The following ACTR3C variants were observed in gnomAD, a reference collection of about 807,000 sequenced individuals.
ACTR3C encodes actin related protein 3C.
Under a neutral mutation model 26.3 loss-of-function variants are expected in ACTR3C, and 18 were observed. That is an observed-to-expected ratio of 0.68 (90% CI 0.47 to 1.01). ACTR3C has a LOEUF of 1.01. Ranked by LOEUF, ACTR3C falls within the 50% of genes least tolerant of loss-of-function variation. The pLI is 0.00. For missense variants in ACTR3C, 184 were observed against 250.7 expected (o/e 0.73, Z 1.80); for synonymous variants, 55 against 94.5 (o/e 0.58, Z 2.42).
At chr7:150,035,229 G>T in the ACTR3C span, among the ~76,000 whole-genome samples, 1 of 115,214 alleles carries the variant, frequency 8.7e-6, no homozygotes, top group Non-Finnish European at 1.9e-5. Flanking sequence ...TCTGCCATGG[G>T]GGTCCTAAGA....
chr7:150,044,731 T>A, the ACTR3C span: 7 of 152,366 alleles, frequency 4.6e-5, no homozygotes, highest in Admixed American at 3.9e-4. Flanking sequence ...AGCCAAGAAC[T>A]ATATTTCTCA....
intron 5 of ACTR3C, among the ~76,000 whole-genome samples, chr7:150,285,196 C>T (rs1488043981): frequency 5.3e-5 from 8 of 152,090 alleles, no homozygotes; most frequent in African/African-American, 1.9e-4. Context: ...ATGACTTTGA[C>T]ATATCATTTG....
At chr7:150,288,416 TTC>T (rs1306131228) in intron 4 of ACTR3C, among the ~76,000 whole-genome samples, 1 of 133,358 alleles carries the variant, frequency 7.5e-6, no homozygotes, top group African/African-American at 3.2e-5. Flanking sequence ...TTTTTTTTTT[TTC>T]TTCTTTTTTG....
the ACTR3C span, among the ~76,000 whole-genome samples, chr7:150,050,311 A>T: frequency 0.013 from 1,932 of 152,334 alleles, 42 homozygotes; most frequent in African/African-American, 0.044. Context: ...ACTTATGCAG[A>T]ATAGTTTATG....
At chr7:150,200,032 C>G in the ACTR3C span, among the ~76,000 whole-genome samples, 1 of 152,114 alleles carries the variant, frequency 6.6e-6, no homozygotes, top group Non-Finnish European at 1.5e-5. Context: ...ACAAGACCGA[C>G]CTATGAAAAT....
the ACTR3C span, among the ~76,000 whole-genome samples, chr7:149,955,705 T>C: frequency 1.3e-5 from 2 of 152,172 alleles, no homozygotes; most frequent in South Asian, 2.1e-4. Flanking sequence ...CTTTCTAAAA[T>C]TGAATATCCT....
chr7:150,106,313 T>C, the ACTR3C span, among the ~76,000 whole-genome samples: 99 of 150,662 alleles, frequency 6.6e-4, 3 homozygotes, highest in South Asian at 0.02. Context: ...TAGTGCATTA[T>C]CACGTACTCC....
chr7:150,180,576 G>A, the ACTR3C span, among the ~76,000 whole-genome samples: 7 of 144,720 alleles, frequency 4.8e-5, no homozygotes, highest in Admixed American at 2.7e-4. Flanking sequence ...GCAGTGGCGC[G>A]GTCTCGGCTC....
chr7:150,275,676 A>C (rs1834811165), intron 6 of ACTR3C, among the ~76,000 whole-genome samples: 1 of 151,850 alleles, frequency 6.6e-6, no homozygotes, highest in Non-Finnish European at 1.5e-5. Flanking sequence ...ACACCACTGC[A>C]CTCCAGGCTG....
the ACTR3C span, among the ~76,000 whole-genome samples, chr7:150,048,633 G>C: frequency 6.6e-6 from 1 of 151,578 alleles, no homozygotes; most frequent in African/African-American, 2.4e-5. Context: ...AGGTGCAGCC[G>C]GCCCCGGGGC....
At chr7:150,159,547 C>T in the ACTR3C span, among the ~76,000 whole-genome samples, 1 of 152,084 alleles carries the variant, frequency 6.6e-6, no homozygotes, top group Admixed American at 6.5e-5. Flanking sequence ...GGAACCCATG[C>T]TCAGTCTCAG....
the ACTR3C span, among the ~76,000 whole-genome samples, chr7:150,092,918 C>A: frequency 4.8e-3 from 726 of 151,582 alleles, 39 homozygotes; most frequent in African/African-American, 0.016. Context: ...GATACCGATT[C>A]CTGCAGCAGG....
At chr7:150,163,376 ATGTGTGTATGTG>A in the ACTR3C span, among the ~76,000 whole-genome samples, 1 of 130,098 alleles carries the variant, frequency 7.7e-6, no homozygotes, top group African/African-American at 3.5e-5. Context: ...ATATATATAT[ATGTGTGTATGTG>A]TGTGTGTGTG....
chr7:150,127,139 GAC>G, the ACTR3C span, among the ~76,000 whole-genome samples: 34,427 of 128,358 alleles, frequency 0.27, 4,185 homozygotes, highest in Middle Eastern at 0.3. Flanking sequence ...CCTACCATTA[GAC>G]ACACACACAC....
intron 3 of ACTR3C, among the ~76,000 whole-genome samples, chr7:150,290,215 C>A (rs1328998538): frequency 6.6e-6 from 1 of 152,148 alleles, no homozygotes; most frequent in Non-Finnish European, 1.5e-5. Context: ...GGGAGCCTCT[C>A]ATTCCACTGC....
At chr7:149,939,631 T>G in the ACTR3C span, among the ~76,000 whole-genome samples, 2 of 151,672 alleles carry the variant, frequency 1.3e-5, no homozygotes, top group African/African-American at 2.4e-5. Flanking sequence ...ACTTTCGAGT[T>G]TCCTCAGCAA....
At chr7:150,029,431 A>AC in the ACTR3C span, among the ~76,000 whole-genome samples, 19 of 148,092 alleles carry the variant, frequency 1.3e-4, no homozygotes, top group African/African-American at 3.4e-4. Flanking sequence ...ACAAAAAAAA[A>AC]CCATGAGTGG....
chr7:150,065,448 C>A, the ACTR3C span, among the ~76,000 whole-genome samples: 1 of 152,152 alleles, frequency 6.6e-6, no homozygotes, highest in Non-Finnish European at 1.5e-5. Flanking sequence ...TCTTTATGAA[C>A]GGAGCCTTCA....
At chr7:150,116,558 A>T in the ACTR3C span, among the ~76,000 whole-genome samples, 1 of 152,208 alleles carries the variant, frequency 6.6e-6, no homozygotes, top group Non-Finnish European at 1.5e-5. Flanking sequence ...AAATTCTTAT[A>T]TTAATATACA....
Sources: gnomAD v4.1 joint callset for allele counts (sites outside exome capture counted in the v4.1 genomes callset) on GRCh38, gnomAD v4.1.1 for gene constraint, MANE v1.5 for transcripts, NCBI Gene and HGNC (gene_info 2026-07-23, HGNC 2026-07-21) for gene names.